Variants in AGO3 observed in about 807,000 individuals in gnomAD.
AGO3 encodes the protein argonaute RISC catalytic component 3.
AGO3 carries 16 observed loss-of-function variants against 105.5 expected under a neutral mutation model. That is an observed-to-expected ratio of 0.15 (90% CI 0.10 to 0.23). The LOEUF is 0.23. Among genes scored for constraint, AGO3 ranks in the 10% least tolerant of loss-of-function variants. The pLI is 1.00. For missense variants in AGO3, 534 were observed against 1,088.0 expected (o/e 0.49, Z 7.16); for synonymous variants, 340 against 367.3 (o/e 0.93, Z 0.85).
chr1:35,944,701 A>T (rs1311898714), intron 1 of AGO3, among the ~76,000 whole-genome samples: 1 of 151,812 alleles, frequency 6.6e-6, no homozygotes, highest in Non-Finnish European at 1.5e-5. Context: ...ACAGGGTTTC[A>T]CCATGTTGGC....
intron 6 of AGO3, among the ~76,000 whole-genome samples, chr1:36,006,424 C>A (rs907941130): frequency 1.3e-5 from 2 of 151,246 alleles, no homozygotes; most frequent in Non-Finnish European, 2.9e-5. Flanking sequence ...ATATATATAT[C>A]TATATATGTG....
chr1:35,998,378 A>G (rs1639938479), intron 5 of AGO3, among the ~76,000 whole-genome samples: 1 of 152,160 alleles, frequency 6.6e-6, no homozygotes, highest in South Asian at 2.1e-4. Context: ...ATTCTTATTC[A>G]TGTCTCCTTT....
At chr1:36,047,639 G>A (rs191488343) in intron 17 of AGO3, among the ~76,000 whole-genome samples, 3 of 152,214 alleles carry the variant, frequency 2.0e-5, no homozygotes, top group Admixed American at 1.3e-4. Flanking sequence ...CAACACTTTG[G>A]GAGGCCAAGG....
rs1642927329 is a variant in AGO3, at chr1:36,056,735, T to C, written c.*990T>C. The C allele has an allele frequency of 6.6e-6, 1 of 151,466 alleles. No homozygotes were observed. Among genetic ancestry groups the C allele is most frequent in the African/African-American group, 2.4e-5 (1 of 41,286 alleles). The allele number at this position is 151,466 out of a possible 1,614,324, so 9.4% of individuals were successfully genotyped here. ...AACTATTCTTTTTCTTTTTTCTTTT[T>C]CTTTTCTTTCTTTTTTTTTTTTAAT... On this transcript the variant is annotated 3_prime_UTR_variant, in exon 19 of 19. Coordinates refer to ENST00000373191, the MANE Select transcript of AGO3 (RefSeq NM_024852.4).
chr1:36,010,134 T>C (rs925178317), intron 9 of AGO3, among the ~76,000 whole-genome samples: 1 of 151,736 alleles, frequency 6.6e-6, no homozygotes, highest in African/African-American at 2.4e-5. Context: ...AGAGACAGGA[T>C]TTTACCATGT....
intron 12 of AGO3, among the ~76,000 whole-genome samples, chr1:36,031,900 G>T (rs1641796254): frequency 6.6e-6 from 1 of 150,754 alleles, no homozygotes; most frequent in African/African-American, 2.5e-5. Flanking sequence ...GTGTGTGTGG[G>T]GGGGCGGGGG....
At chr1:35,948,203 T>C (rs1646402937) in intron 2 of AGO3, among the ~76,000 whole-genome samples, 1 of 150,892 alleles carries the variant, frequency 6.6e-6, no homozygotes, top group Non-Finnish European at 1.5e-5. Flanking sequence ...AAATATTAAG[T>C]AAAAGGAACA....
intron 9 of AGO3, among the ~76,000 whole-genome samples, chr1:36,010,130 A>G (rs1640530091): frequency 6.6e-6 from 1 of 151,752 alleles, no homozygotes; most frequent in South Asian, 2.1e-4. Context: ...TAGTAGAGAC[A>G]GGATTTTACC....
chr1:36,003,709 A>AAAAAAAAAAAAAAAAT (rs1295618675), intron 5 of AGO3, among the ~76,000 whole-genome samples: 2 of 99,446 alleles, frequency 2.0e-5, no homozygotes. Flanking sequence ...AAAAAAAAAA[A>AAAAAAAAAAAAAAAAT]ATATATATAT....
At chr1:36,051,811 C>T (rs543271139) in intron 17 of AGO3, among the ~76,000 whole-genome samples, 10 of 152,130 alleles carry the variant, frequency 6.6e-5, no homozygotes, top group Middle Eastern at 3.4e-3. Context: ...GTAATTGAGA[C>T]GATCAAGAGG....
intron 3 of AGO3, among the ~76,000 whole-genome samples, chr1:35,968,902 TG>T (rs1247062470): frequency 4.6e-5 from 7 of 150,788 alleles, no homozygotes; most frequent in Non-Finnish European, 1.0e-4. Flanking sequence ...TTTTCTGTTT[TG>T]TTTTTTTTTT....
intron 17 of AGO3, among the ~76,000 whole-genome samples, chr1:36,044,433 T>C (rs1295254706): frequency 6.6e-6 from 1 of 151,972 alleles, no homozygotes; most frequent in African/African-American, 2.4e-5. Flanking sequence ...TGTTTGTTTG[T>C]TTGTTTTTGA....
At chr1:36,053,798 AAGTGC>A (rs1642818309) in intron 17 of AGO3, among the ~76,000 whole-genome samples, 1 of 126,578 alleles carries the variant, frequency 7.9e-6, no homozygotes, top group Non-Finnish European at 1.6e-5. Context: ...CACCAGGCTG[AAGTGC>A]AGTGGTGCGA....
intron 10 of AGO3, 61 bp downstream of exon 10, chr1:36,013,813 G>A (rs1167193171): frequency 1.2e-6 from 2 of 1,601,808 alleles, no homozygotes; most frequent in South Asian, 1.1e-5. Flanking sequence ...GAAGAGAAAG[G>A]CATATCAGAA....
chr1:36,008,888 T>C lies in AGO3; in HGVS notation c.882-9T>C, dbSNP rs766413182. On this transcript the variant is annotated splice_polypyrimidine_tract_variant and intron_variant, in intron 7 of 18. Coordinates refer to ENST00000373191, the MANE Select transcript of AGO3 (RefSeq NM_024852.4). This position sits in a 1 kb window ranked among gnomAD's most constrained non-coding sequence, Gnocchi z 5.1. ...CAAGAATTGTTCATGTGTACTTTTT[T>C]TTCCTCAGCTTTCCTTTACAGTTAG... 6.2e-7 allele frequency: 1 copy of C among 1,613,990 alleles called. No homozygotes were observed. Among genetic ancestry groups the C allele is most frequent in the South Asian group, 1.1e-5 (1 of 91,076 alleles).
rs1447820987 is a variant in AGO3, at chr1:36,068,898, A to C, written c.*13153A>C. The C allele has an allele frequency of 6.6e-6, 1 of 152,228 alleles. No individual in the cohort carries two copies. The highest frequency in any genetic ancestry group is 2.1e-4 in the South Asian group (1 of 4,832). The allele number at this position is 152,228 out of a possible 1,614,324, so 9.4% of individuals were successfully genotyped here. A position where few individuals can be genotyped will look rare whatever the true frequency, so the allele number is the denominator to read the frequency against. ...TCTTTAATGGAGGAACTTTTGAAAG[A>C]TCACAAATGGAAAAAGCCTATTGAG... On this transcript the variant is annotated 3_prime_UTR_variant, in exon 19 of 19. Coordinates refer to ENST00000373191, the MANE Select transcript of AGO3 (RefSeq NM_024852.4).
intron 5 of AGO3, among the ~76,000 whole-genome samples, chr1:36,002,699 A>C (rs1028118176): frequency 6.6e-6 from 1 of 152,050 alleles, no homozygotes; most frequent in Non-Finnish European, 1.5e-5. Context: ...AGAGATAACT[A>C]CTGTTAAAGC....
intron 17 of AGO3, among the ~76,000 whole-genome samples, chr1:36,046,012 G>C (rs1296106253): frequency 6.6e-6 from 1 of 152,144 alleles, no homozygotes. Flanking sequence ...GGAACCAGGA[G>C]GAACTTCTCC....
rs1642202109 is a variant in AGO3, at chr1:36,040,588, C to T, written c.2172+147C>T. The T allele has an allele frequency of 5.8e-6, 4 of 695,388 alleles. No individual in the cohort carries two copies. In the South Asian group the frequency reaches 1.1e-4, roughly 20 times the overall value. 43.1% of individuals were successfully genotyped at this position (695,388 alleles called of 1,614,324 possible). On this transcript the variant is annotated intron_variant, in intron 16 of 18. Transcript: ENST00000373191. The stretch of plus-strand genomic sequence containing the variant: ...AATTACATTATGAGTATAGAAGCAT[C>T]AAAATAGATTATTTTTAACTTTCTA...
Sources: allele counts gnomAD v4.1 joint callset (sites outside exome capture counted in the v4.1 genomes callset), GRCh38; gene constraint gnomAD v4.1.1; non-coding constraint Gnocchi (gnomAD v3.1); transcripts MANE v1.5; gene names NCBI Gene and HGNC (gene_info 2026-07-23, HGNC 2026-07-21).